The following ANKRD12 variants were observed in gnomAD, a reference collection of about 807,000 sequenced individuals.
ANKRD12 encodes the protein ankyrin repeat domain 12.
In ANKRD12, 85 loss-of-function variants were observed where a neutral mutation model predicts 183.4. The observed-to-expected ratio is 0.46, with a 90% CI of 0.39 to 0.56. ANKRD12 has a LOEUF of 0.56. ANKRD12 is among the 20% of genes least tolerant of loss of function. The pLI is 0.00. For missense variants in ANKRD12, 2,405 were observed against 2,357.1 expected (o/e 1.02, Z -0.42); for synonymous variants, 914 against 800.2 (o/e 1.14, Z -2.40).
intron 10 of ANKRD12, among the ~76,000 whole-genome samples, chr18:9,268,003 A>G (rs2039396835): frequency 6.6e-6 from 1 of 152,254 alleles, no homozygotes; most frequent in Non-Finnish European, 1.5e-5. Context: ...ACACAAATAA[A>G]CTGGAATTAT....
intron 1 of ANKRD12, among the ~76,000 whole-genome samples, chr18:9,177,369 TTA>T (rs1255942289): frequency 1.3e-5 from 2 of 152,182 alleles, no homozygotes; most frequent in Non-Finnish European, 2.9e-5. Context: ...TCACCAACAT[TTA>T]GTCTTCTTAG....
At chr18:9,237,692 T>C (rs1352830455) in intron 8 of ANKRD12, among the ~76,000 whole-genome samples, 1 of 152,212 alleles carries the variant, frequency 6.6e-6, no homozygotes, top group African/African-American at 2.4e-5. Flanking sequence ...TTAAAATCTG[T>C]ATGTATGTTT....
At chr18:9,279,441 T>C in intron 11 of ANKRD12, 108 bp from the exon 12 acceptor site, 1 of 683,164 alleles carries the variant, frequency 1.5e-6, no homozygotes. Context: ...TCTCAAAATA[T>C]ATTTTCATCG....
chr18:9,156,137 CAAAAA>C (rs34154495), intron 1 of ANKRD12, among the ~76,000 whole-genome samples: 8 of 104,090 alleles, frequency 7.7e-5, no homozygotes, highest in African/African-American at 3.0e-4. Flanking sequence ...GACTCTGTCT[CAAAAA>C]AAAAAAAAAA....
chr18:9,216,744 TAATC>T lies in ANKRD12; in HGVS notation c.653-13_653-10del, dbSNP rs757776220. ...GCGCAAGTGAATCATGTTAAATTAATAATCTAACTTTAGGTTGGACACCACTGCA... is the reference window on the plus strand; with the variant it reads ...GCGCAAGTGAATCATGTTAAATTAATTAACTTTAGGTTGGACACCACTGCA... On this transcript the variant is annotated splice_polypyrimidine_tract_variant and intron_variant, in intron 6 of 12. Transcript: ENST00000262126. The T allele has an allele frequency of 6.8e-5, 109 of 1,609,894 alleles. No individual in the cohort carries two copies. In the African/African-American group the frequency reaches 1.3e-3, roughly 20 times the overall value.
Position 9,182,535 on chromosome 18 carries a change from A to G in ANKRD12, c.87+16A>G. On this transcript the variant is annotated intron_variant, in intron 2 of 12. Transcript: ENST00000262126. ...TGGAAGAAAGGTATATGATTATACT[A>G]AAGATTTGTTGACTTTTTGAACTGG... 12 of 1,503,448 alleles carry G rather than the reference A, an allele frequency of 8.0e-6. No individual in the cohort carries two copies. Among genetic ancestry groups the G allele is most frequent in the Non-Finnish European group, 9.0e-6 (10 of 1,113,102 alleles). The allele number at this position is 1,503,448 out of a possible 1,614,324, so 93.1% of individuals were successfully genotyped here.
At chr18:9,173,177 C>T (rs973967539) in intron 1 of ANKRD12, among the ~76,000 whole-genome samples, 1 of 151,430 alleles carries the variant, frequency 6.6e-6, no homozygotes, top group Non-Finnish European at 1.5e-5. Context: ...TCAAGCCATT[C>T]TCATGCCTCA....
chr18:9,256,062 A>G lies in ANKRD12; in HGVS notation c.2795A>G (p.Glu932Gly). 6.4e-7 allele frequency: 1 copy of G among 1,561,548 alleles called. No homozygotes were observed. Among genetic ancestry groups the G allele is most frequent in the South Asian group, 1.2e-5 (1 of 81,672 alleles). ...GAAAGCAAAGAAAAGCACTTGATGGAGAAAAAAAATAAACAATCAGATAAT... is the reference window on the plus strand; with the variant it reads ...GAAAGCAAAGAAAAGCACTTGATGGGGAAAAAAAATAAACAATCAGATAAT... Reference protein sequence around the residue: ...LAESKEKHLMEKKNKQSDNSE... With the variant: ...LAESKEKHLMGKKNKQSDNSE... The change falls in exon 9 of 13, where the codon GAG becomes GGG. Residue 932 changes from glutamate (E) to glycine (G), a missense_variant. By Grantham distance (98) the Glu-to-Gly change is moderately conservative. Transcript: ENST00000262126.
chr18:9,218,476 C>A (rs1345612873), intron 7 of ANKRD12, among the ~76,000 whole-genome samples: 1 of 152,124 alleles, frequency 6.6e-6, no homozygotes, highest in African/African-American at 2.4e-5. Context: ...AATTAGATTT[C>A]TTTCTTTCAG....
chr18:9,193,329 A>G (rs1459637949), intron 2 of ANKRD12, among the ~76,000 whole-genome samples: 1 of 151,782 alleles, frequency 6.6e-6, no homozygotes, highest in Non-Finnish European at 1.5e-5. Flanking sequence ...TTACAGAAAC[A>G]AGGTCAGGGT....
intron 1 of ANKRD12, among the ~76,000 whole-genome samples, chr18:9,164,672 G>C (rs2031841194): frequency 6.6e-6 from 1 of 152,128 alleles, no homozygotes; most frequent in Non-Finnish European, 1.5e-5. Context: ...TTCAGGAGCA[G>C]GTTGTTCAGT....
Position 9,275,598 on chromosome 18 carries a change from A to G in ANKRD12, c.5838A>G (p.Gln1946=). The change falls in exon 11 of 13, where the codon CAA becomes CAG. Residue 1946 remains glutamine, a synonymous_variant. Transcript: ENST00000262126. ...GAGCTGCAAGAACATTGGCAAATCAAACACTGCCATTTAGTGCTTGTACTG... is the reference window on the plus strand; with the variant it reads ...GAGCTGCAAGAACATTGGCAAATCAGACACTGCCATTTAGTGCTTGTACTG... The part of the protein sequence containing the change: ...HYRAARTLAN[Q]TLPFSACTVL... 1 of 1,610,910 alleles carries G rather than the reference A, an allele frequency of 6.2e-7. No individual in the cohort carries two copies. Among genetic ancestry groups the G allele is most frequent in the Non-Finnish European group, 8.5e-7 (1 of 1,177,512 alleles).
At chr18:9,276,403 T>A (rs998371099) in intron 11 of ANKRD12, among the ~76,000 whole-genome samples, 3 of 152,098 alleles carry the variant, frequency 2.0e-5, no homozygotes, top group Non-Finnish European at 4.4e-5. Context: ...AAGATTGAAC[T>A]AGATAGGTAG....
intron 8 of ANKRD12, among the ~76,000 whole-genome samples, chr18:9,229,500 A>T (rs563083924): frequency 6.6e-6 from 1 of 152,100 alleles, no homozygotes; most frequent in South Asian, 2.1e-4. Flanking sequence ...CTTTGTAGAG[A>T]TCTTTCACCT....
At chr18:9,162,462 G>A (rs2031555720) in intron 1 of ANKRD12, among the ~76,000 whole-genome samples, 1 of 152,058 alleles carries the variant, frequency 6.6e-6, no homozygotes, top group Non-Finnish European at 1.5e-5. Context: ...GATGGGCATT[G>A]GGGTTGATTC....
intron 3 of ANKRD12, among the ~76,000 whole-genome samples, chr18:9,196,212 A>G (rs1398200960): frequency 6.6e-6 from 1 of 151,900 alleles, no homozygotes; most frequent in Non-Finnish European, 1.5e-5. Flanking sequence ...ACACACACAC[A>G]CACACACACA....
Position 9,258,060 on chromosome 18 carries a change from C to T in ANKRD12, c.4793C>T (p.Thr1598Ile). The T allele has an allele frequency of 6.2e-7, 1 of 1,613,368 alleles. No individual in the cohort carries two copies. The highest frequency in any genetic ancestry group is 8.5e-7 in the Non-Finnish European group (1 of 1,179,956). Residue 1598 changes from threonine (T) to isoleucine (I), a missense_variant, in exon 9 of 13, where the codon ACC (threonine) becomes ATC (isoleucine). This residue lies in a region of ANKRD12 where 1,983 missense variants were observed against 1,725.9 expected (regional missense o/e 1.15). Transcript: ENST00000262126. ...EKDFNGSDASTQLNTHYAFSK... is the reference protein window; with the variant it reads ...EKDFNGSDASIQLNTHYAFSK... ...GACTTTAATGGAAGTGATGCCTCTA[C>T]CCAGCTAAATACACATTATGCATTT...
intron 2 of ANKRD12, among the ~76,000 whole-genome samples, chr18:9,194,851 T>C (rs2034677573): frequency 6.6e-6 from 1 of 152,178 alleles, no homozygotes; most frequent in Non-Finnish European, 1.5e-5. Flanking sequence ...CAAAAGAATA[T>C]AAATTGTCCT....
At chr18:9,239,794 G>A (rs1400867611) in intron 8 of ANKRD12, among the ~76,000 whole-genome samples, 2 of 152,122 alleles carry the variant, frequency 1.3e-5, no homozygotes, top group African/African-American at 4.8e-5. Context: ...TACACTTTAA[G>A]TGTTGAAAGT....
Sources: gnomAD v4.1 joint callset for allele counts (sites outside exome capture counted in the v4.1 genomes callset) on GRCh38, gnomAD v4.1.1 for gene constraint, gnomAD v4.1.1 regional missense constraint, MANE v1.5 for transcripts, NCBI Gene and HGNC (gene_info 2026-07-23, HGNC 2026-07-21) for gene names.